SCARB1: variants seen among roughly 807,000 people sequenced by gnomAD.
The protein encoded by SCARB1 is CD36 and LIMPII analogous 1.
A neutral mutation model predicts 57.2 loss-of-function variants in SCARB1; 30 were observed. The ratio of observed to expected loss-of-function variants is 0.52; its 90% CI spans 0.39 to 0.71. SCARB1 has a LOEUF of 0.71. Ranked by LOEUF, SCARB1 falls within the 30% of genes least tolerant of loss-of-function variation. SCARB1 has a pLI of 0.00. For synonymous variants in SCARB1, 249 were observed against 268.3 expected, an observed-to-expected ratio of 0.93 and a Z score of 0.70; for missense variants, 543 against 671.2, an observed-to-expected ratio of 0.81 and a Z score of 2.11.
Position 124,801,893 on chromosome 12 carries a change from G to A in SCARB1, c.1010-1651C>T, listed in dbSNP as rs190681339. 1.1e-4 allele frequency among the ~76,000 whole-genome samples: 17 copies of A among 151,736 alleles called. 1 individual carries two copies. In the East Asian group the frequency reaches 2.9e-3, roughly 26 times the overall value. ...GGGCCGGGCGCGGTGGCTCACGCCTGTAATCCCAGCACTTTAGGAGGCCGA... is the reference window on the plus strand; with the variant it reads ...GGGCCGGGCGCGGTGGCTCACGCCTATAATCCCAGCACTTTAGGAGGCCGA... On this transcript the variant is annotated intron_variant, in intron 7 of 12. Transcript: ENST00000261693.
chr12:124,813,242 C>T (rs974911062), intron 4 of SCARB1, among the ~76,000 whole-genome samples: 15 of 152,186 alleles, frequency 9.9e-5, no homozygotes, highest in Admixed American at 4.6e-4. Flanking sequence ...AACTGGAACA[C>T]GCTGTTTTAC....
At chr12:124,797,818 CA>C (rs1949996515) in intron 8 of SCARB1, among the ~76,000 whole-genome samples, 1 of 152,158 alleles carries the variant, frequency 6.6e-6, no homozygotes, top group South Asian at 2.1e-4. Context: ...CCTGGGAGGA[CA>C]AAGAAAAATG....
chr12:124,841,797 G>A (rs1230703012), intron 1 of SCARB1, among the ~76,000 whole-genome samples: 1 of 152,092 alleles, frequency 6.6e-6, no homozygotes, highest in Admixed American at 6.6e-5. Flanking sequence ...CCCAGCAGTG[G>A]CTCCATGTCA....
intron 12 of SCARB1, among the ~76,000 whole-genome samples, chr12:124,779,428 C>A (rs1329857624): frequency 1.3e-5 from 2 of 152,172 alleles, no homozygotes; most frequent in African/African-American, 4.8e-5. Context: ...AACAAACCCA[C>A]GTGCCAAGTT....
chr12:124,796,162 C>T lies in SCARB1; in HGVS notation c.1129-894G>A, dbSNP rs577875363. On this transcript the variant is annotated intron_variant, in intron 8 of 12. Transcript: ENST00000261693. The surrounding 1 kb of genome is among the most constrained non-coding windows in gnomAD (Gnocchi z 4.0). ...AAAGACAGGGTTTCACCATGTTGAC[C>T]AGGCTGGTCTCAAACTCCTGGCAGC... 1.3e-5 allele frequency among the ~76,000 whole-genome samples: 2 copies of T among 152,340 alleles called. No homozygotes were observed. Among genetic ancestry groups the T allele is most frequent in the East Asian group, 1.9e-4 (1 of 5,188 alleles).
intron 1 of SCARB1, among the ~76,000 whole-genome samples, chr12:124,820,861 G>A (rs867213964): frequency 2.6e-5 from 4 of 152,344 alleles, no homozygotes; most frequent in African/African-American, 7.2e-5. Flanking sequence ...GTTTCCCGGT[G>A]TGCACACACC....
At chr12:124,791,359 C>G in intron 9 of SCARB1, among the ~76,000 whole-genome samples, 1 of 152,294 alleles carries the variant, frequency 6.6e-6, no homozygotes, top group Non-Finnish European at 1.5e-5. Context: ...CAGCCACTTA[C>G]GAGCTCTGTG....
chr12:124,841,303 C>T (rs925198076), intron 1 of SCARB1, among the ~76,000 whole-genome samples: 6 of 149,890 alleles, frequency 4.0e-5, no homozygotes, highest in East Asian at 2.0e-4. Flanking sequence ...ACCAGGGAGG[C>T]GGAGCTTGCA....
At chr12:124,842,141 G>C (rs1951933741) in intron 1 of SCARB1, among the ~76,000 whole-genome samples, 1 of 152,194 alleles carries the variant, frequency 6.6e-6, no homozygotes, top group African/African-American at 2.4e-5. Context: ...GTAAAATGAG[G>C]GTTGTAAATG....
chr12:124,802,169 A>G (rs1950157035), intron 7 of SCARB1, among the ~76,000 whole-genome samples: 2 of 147,088 alleles, frequency 1.4e-5, no homozygotes, highest in African/African-American at 2.5e-5. Flanking sequence ...AAAAAAAGAC[A>G]TAGTTAAAAA....
At chr12:124,855,892 G>A (rs1252832705) in intron 1 of SCARB1, among the ~76,000 whole-genome samples, 1 of 152,198 alleles carries the variant, frequency 6.6e-6, no homozygotes. Context: ...GCAGCAAATC[G>A]CCACTGGGGC....
intron 11 of SCARB1, 157 bp downstream of exon 11, chr12:124,786,200 C>T: frequency 1.3e-6 from 2 of 1,595,734 alleles, no homozygotes; most frequent in East Asian, 4.5e-5. Context: ...CTGCGCAGCC[C>T]CCAGCAGTGA....
At chr12:124,794,592 G>A (rs1177269740) in intron 9 of SCARB1, among the ~76,000 whole-genome samples, 2 of 151,518 alleles carry the variant, frequency 1.3e-5, no homozygotes, top group South Asian at 4.2e-4. Flanking sequence ...AAACAGCTTG[G>A]ATTGAAGCTC....
intron 1 of SCARB1, among the ~76,000 whole-genome samples, chr12:124,848,080 CA>C (rs1017094271): frequency 4.0e-5 from 6 of 151,522 alleles, no homozygotes; most frequent in East Asian, 1.9e-4. Flanking sequence ...ACCTTGGATT[CA>C]AAAAAAAATT....
chr12:124,800,508 G>C lies in SCARB1; in HGVS notation c.1010-266C>G, dbSNP rs947772259. ...AGAAGGAAGAGGCCTCTTCACAGGA[G>C]CCAGGTGAAGGATGCCCGGGAAGCG... On this transcript the variant is annotated intron_variant, in intron 7 of 12. Coordinates refer to ENST00000261693, the MANE Select transcript of SCARB1 (RefSeq NM_005505.5). The surrounding 1 kb of genome is among the most constrained non-coding windows in gnomAD (Gnocchi z 4.8). Among the ~76,000 whole-genome samples, 3 of 152,238 alleles carry C rather than the reference G, an allele frequency of 2.0e-5. No homozygotes were observed. Among genetic ancestry groups the C allele is most frequent in the African/African-American group, 4.8e-5 (2 of 41,452 alleles).
chr12:124,791,685 A>G (rs863381), intron 9 of SCARB1, among the ~76,000 whole-genome samples: 145,805 of 152,238 alleles, frequency 0.96, 69,893 homozygotes, highest in East Asian at 1. Context: ...GACCGGGCGC[A>G]GTGGCTCACG....
chr12:124,799,658 G>A (rs1373649655), intron 8 of SCARB1, among the ~76,000 whole-genome samples: 2 of 152,060 alleles, frequency 1.3e-5, no homozygotes, highest in Non-Finnish European at 2.9e-5. Flanking sequence ...TACAGAGAAC[G>A]GAGGTGCCAA....
chr12:124,797,218 G>A (rs922089638), intron 8 of SCARB1, among the ~76,000 whole-genome samples: 13 of 152,110 alleles, frequency 8.5e-5, no homozygotes, highest in African/African-American at 3.1e-4. Flanking sequence ...GGCCTCCCCC[G>A]ACTTCACCCA....
At chr12:124,841,894 C>T (rs920166504) in intron 1 of SCARB1, among the ~76,000 whole-genome samples, 2 of 152,342 alleles carry the variant, frequency 1.3e-5, no homozygotes, top group Admixed American at 6.5e-5. Context: ...CCTGCTAAAG[C>T]GTAGCTGCCG....
Sources: gnomAD v4.1 joint callset for allele counts (sites outside exome capture counted in the v4.1 genomes callset) on GRCh38, gnomAD v4.1.1 for gene constraint, Gnocchi (gnomAD v3.1) non-coding constraint, MANE v1.5 for transcripts, NCBI Gene and HGNC (gene_info 2026-07-23, HGNC 2026-07-21) for gene names.